PLPPR1: variants seen among roughly 807,000 people sequenced by gnomAD.
PLPPR1 encodes phospholipid phosphatase related 1.
In PLPPR1, 10 loss-of-function variants were observed where a neutral mutation model predicts 33.1. That is an observed-to-expected ratio of 0.30 (90% confidence interval 0.19 to 0.51). The LOEUF (loss-of-function observed/expected upper bound fraction) is 0.51. PLPPR1 is among the 20% of genes least tolerant of loss of function. PLPPR1 has a pLI of 0.97. For missense variants in PLPPR1, 304 were observed against 408.1 expected (o/e 0.74, Z 2.20); for synonymous variants, 151 against 151.0 (o/e 1.00, Z 0.00).
intron 1 of PLPPR1, among the ~76,000 whole-genome samples, chr9:101,089,783 T>C (rs987169231): frequency 2.6e-5 from 4 of 152,214 alleles, no homozygotes; most frequent in African/African-American, 9.6e-5. Context: ...TTATTTTTAA[T>C]TATTATAAAT....
chr9:101,142,129 C>T (rs1338176448), intron 1 of PLPPR1, among the ~76,000 whole-genome samples: 1 of 152,160 alleles, frequency 6.6e-6, no homozygotes, highest in Non-Finnish European at 1.5e-5. Context: ...GAGAATATCT[C>T]ATTAGACTTT....
chr9:101,306,518 G>A (rs535974870), intron 4 of PLPPR1, among the ~76,000 whole-genome samples: 48 of 152,262 alleles, frequency 3.2e-4, no homozygotes, highest in African/African-American at 1.1e-3. Context: ...TCTGAACACA[G>A]CCACAGCAAT....
Position 101,151,323 on chromosome 9 carries a change from T to C in PLPPR1, c.-45-34127T>C, listed in dbSNP as rs143198422. On this transcript the variant is annotated intron_variant, in intron 1 of 7. Coordinates refer to ENST00000374874, the MANE Select transcript of PLPPR1 (RefSeq NM_207299.2). The stretch of plus-strand genomic sequence containing the variant: ...AAGTATAAGGTGGTAATATTCTCTA[T>C]AGAAAATAATTTATGTAAGTCAAAT... Among the ~76,000 whole-genome samples the C allele has an allele frequency of 6.1e-4, 93 of 152,350 alleles. 3 individuals are homozygous for C. In the East Asian group the frequency reaches 0.013, roughly 21 times the overall value.
chr9:101,033,558 A>G (rs1829972057), intron 1 of PLPPR1, among the ~76,000 whole-genome samples: 1 of 152,166 alleles, frequency 6.6e-6, no homozygotes, highest in Non-Finnish European at 1.5e-5. Context: ...AAGGAGAGAA[A>G]TAAGCCCCAG....
chr9:101,294,176 C>T (rs1477654207), intron 4 of PLPPR1, among the ~76,000 whole-genome samples: 1 of 152,064 alleles, frequency 6.6e-6, no homozygotes, highest in African/African-American at 2.4e-5. Flanking sequence ...ACAAACACCT[C>T]TATGCAAATA....
Position 101,182,183 on chromosome 9 carries a change from TA to T in PLPPR1, c.-45-3261del, listed in dbSNP as rs544868436. Reference sequence around the variant, plus strand: ...TATGATTTCACTTACATGTGGAATCTAAAAAAGTTGAAATCATAGAAATAGT... The same window carrying T: ...TATGATTTCACTTACATGTGGAATCTAAAAAGTTGAAATCATAGAAATAGT... On this transcript the variant is annotated intron_variant, in intron 1 of 7. Transcript: ENST00000374874. Among the ~76,000 whole-genome samples the T allele has an allele frequency of 4.6e-5, 7 of 151,592 alleles. No individual in the cohort carries two copies. The East Asian group carries it at 5.8e-4, about 13-fold the overall frequency.
chr9:101,200,118 A>G (rs745403282), intron 2 of PLPPR1, among the ~76,000 whole-genome samples: 1 of 152,164 alleles, frequency 6.6e-6, no homozygotes, highest in Non-Finnish European at 1.5e-5. Flanking sequence ...CAAATAGACT[A>G]TAATTGACGG....
chr9:101,311,533 C>A (rs1828955956), intron 5 of PLPPR1, among the ~76,000 whole-genome samples: 1 of 152,124 alleles, frequency 6.6e-6, no homozygotes, highest in Admixed American at 6.5e-5. Flanking sequence ...AACATAATAG[C>A]ATGAACAACT....
At chr9:101,212,060 G>A (rs1409244589) in intron 2 of PLPPR1, among the ~76,000 whole-genome samples, 3 of 151,884 alleles carry the variant, frequency 2.0e-5, no homozygotes, top group African/African-American at 4.8e-5. Context: ...AGACACCTAG[G>A]TTGCTTCCAA....
intron 1 of PLPPR1, among the ~76,000 whole-genome samples, chr9:101,056,221 C>A (rs538913751): frequency 6.6e-6 from 1 of 152,212 alleles, no homozygotes; most frequent in East Asian, 1.9e-4. Flanking sequence ...TCATTTAGAG[C>A]CTTTGCACAT....
intron 1 of PLPPR1, among the ~76,000 whole-genome samples, chr9:101,050,080 G>A (rs1041674330): frequency 2.1e-5 from 3 of 144,376 alleles, no homozygotes; most frequent in Admixed American, 7.0e-5. Flanking sequence ...AGCCGAGATC[G>A]TGCCACTGCA....
chr9:101,318,001 C>CA (rs1335374690), intron 7 of PLPPR1, among the ~76,000 whole-genome samples: 2 of 152,074 alleles, frequency 1.3e-5, no homozygotes, highest in Non-Finnish European at 2.9e-5. Flanking sequence ...ACCAGGGATA[C>CA]AAAAAATAAT....
At chr9:101,292,882 A>C (rs2118926770) in intron 4 of PLPPR1, among the ~76,000 whole-genome samples, 1 of 152,128 alleles carries the variant, frequency 6.6e-6, no homozygotes, top group Admixed American at 6.5e-5. Context: ...GAGGCTAGGA[A>C]GAAACTGCAT....
At chr9:101,218,473 G>A (rs867397590) in intron 2 of PLPPR1, among the ~76,000 whole-genome samples, 16 of 152,058 alleles carry the variant, frequency 1.1e-4, no homozygotes, top group African/African-American at 3.1e-4. Flanking sequence ...CCTGAGCAAG[G>A]TACTTGACCT....
chr9:101,289,750 C>T (rs547993038), intron 4 of PLPPR1, among the ~76,000 whole-genome samples: 33 of 152,322 alleles, frequency 2.2e-4, no homozygotes, highest in African/African-American at 6.3e-4. Flanking sequence ...GCTTCCCCAG[C>T]CACATGGAAC....
chr9:101,030,002 T>TC (rs977356978), intron 1 of PLPPR1, among the ~76,000 whole-genome samples: 2 of 152,092 alleles, frequency 1.3e-5, no homozygotes, highest in African/African-American at 4.8e-5. Flanking sequence ...CGGGTTTTTT[T>TC]CCTTTCAACC....
rs1353992366 is a variant in PLPPR1 at position 101,185,547 on chromosome 9, T to C, written c.53T>C (p.Ile18Thr). The stretch of plus-strand genomic sequence containing the variant: ...AGTTATTCCATCATCCCGTGTTTTA[T>C]ATTTGTTGAGGTATGTGTATTTTTT... The part of the protein sequence containing the change: ...QRSYSIIPCF[I>T]FVELVIMAGT... Residue 18 changes from isoleucine to threonine, a missense_variant, in exon 2 of 8, where the codon ATA (isoleucine) becomes ACA (threonine). Physicochemically the swap from Ile to Thr is moderately conservative, Grantham distance 89. Transcript: ENST00000374874. 1 of 1,607,374 alleles carries C rather than the reference T, an allele frequency of 6.2e-7. No individual in the cohort carries two copies.
chr9:101,242,143 C>T lies in PLPPR1; in HGVS notation c.64-27737C>T, dbSNP rs890096054. ...CACCAACATGTGTCCTCTTTATGAG[C>T]CTTGGGCTTCTCACAGTATGAAAAT... is the stretch of plus-strand genomic sequence containing the variant. On this transcript the variant is annotated intron_variant, in intron 2 of 7. Coordinates refer to ENST00000374874, the MANE Select transcript of PLPPR1 (RefSeq NM_207299.2). 2.6e-5 allele frequency among the ~76,000 whole-genome samples: 4 copies of T among 151,948 alleles called. No individual in the cohort carries two copies. In the East Asian group the frequency reaches 7.8e-4, roughly 30 times the overall value.
chr9:101,258,970 T>A (rs1355439591), intron 2 of PLPPR1, among the ~76,000 whole-genome samples: 1 of 152,188 alleles, frequency 6.6e-6, no homozygotes, highest in East Asian at 1.9e-4. Context: ...TGTCATTGAA[T>A]TAAAAAATCC....
Sources: allele counts gnomAD v4.1 joint callset (sites outside exome capture counted in the v4.1 genomes callset), GRCh38; gene constraint gnomAD v4.1.1; transcripts MANE v1.5; gene names NCBI Gene and HGNC (gene_info 2026-07-23, HGNC 2026-07-21).